Variants in PRKCE observed in about 807,000 individuals in gnomAD.
PRKCE encodes protein kinase C epsilon type.
A neutral mutation model predicts 85.4 loss-of-function variants in PRKCE; 16 were observed. That is an observed-to-expected ratio of 0.19 (90% CI 0.13 to 0.28). The LOEUF is 0.28. Among genes scored for constraint, PRKCE ranks in the 10% least tolerant of loss-of-function variants. The pLI is 1.00. For missense variants in PRKCE, 573 were observed against 975.2 expected (o/e 0.59, Z 5.49); for synonymous variants, 388 against 371.5 (o/e 1.04, Z -0.51).
intron 2 of PRKCE, among the ~76,000 whole-genome samples, chr2:45,925,264 T>C (rs1698525499): frequency 6.6e-6 from 1 of 151,962 alleles, no homozygotes; most frequent in African/African-American, 2.4e-5. Flanking sequence ...TGATAACTCA[T>C]TTCCCCTTTT....
chr2:45,804,463 G>C (rs1175507495), intron 1 of PRKCE, among the ~76,000 whole-genome samples: 1 of 152,170 alleles, frequency 6.6e-6, no homozygotes, highest in Admixed American at 6.5e-5. Context: ...TCCTGGCCTG[G>C]TTGAGCAAGG....
chr2:46,024,270 T>C (rs1038849156), intron 10 of PRKCE, among the ~76,000 whole-genome samples: 2 of 151,830 alleles, frequency 1.3e-5, no homozygotes, highest in African/African-American at 4.8e-5. Flanking sequence ...AAGCAACTGA[T>C]GGAAAAACAG....
At chr2:45,815,414 C>G (rs1008772766) in intron 1 of PRKCE, among the ~76,000 whole-genome samples, 6 of 152,182 alleles carry the variant, frequency 3.9e-5, no homozygotes, top group African/African-American at 1.4e-4. Context: ...ACTGCCCCAG[C>G]CTACGCCATT....
Position 46,186,509 on chromosome 2 carries a change from G to T in PRKCE, c.*1628G>T, listed in dbSNP as rs1574703461. The T allele has an allele frequency of 6.6e-6, 1 of 152,406 alleles. No individual in the cohort carries two copies. Among genetic ancestry groups the T allele is most frequent in the Admixed American group, 6.6e-5 (1 of 15,260 alleles). 9.4% of individuals were successfully genotyped at this position (152,406 alleles called of 1,614,324 possible). On this transcript the variant is annotated 3_prime_UTR_variant, in exon 15 of 15. Transcript: ENST00000306156. ...AAAGAATAATTATAATAATGTCCAG[G>T]TGCAATACTCTGTAAGTCTATTGGT... is the stretch of plus-strand genomic sequence containing the variant.
intron 12 of PRKCE, among the ~76,000 whole-genome samples, chr2:46,150,542 G>C (rs1240335779): frequency 6.6e-6 from 1 of 152,194 alleles, no homozygotes; most frequent in African/African-American, 2.4e-5. Context: ...CTCTCCAGGA[G>C]CACAGGGCTC....
intron 2 of PRKCE, among the ~76,000 whole-genome samples, chr2:45,909,749 G>C (rs958404152): frequency 6.6e-6 from 1 of 152,202 alleles, no homozygotes. Context: ...CAGTGAGTCA[G>C]TGCTTCCTGG....
chr2:45,765,865 C>A (rs1292562704), intron 1 of PRKCE, among the ~76,000 whole-genome samples: 2 of 152,174 alleles, frequency 1.3e-5, no homozygotes, highest in Non-Finnish European at 2.9e-5. Context: ...CTGCCACCCT[C>A]CCTCCTCCCA....
intron 1 of PRKCE, among the ~76,000 whole-genome samples, chr2:45,818,944 T>C (rs879272592): frequency 5.3e-5 from 8 of 151,970 alleles, no homozygotes; most frequent in Non-Finnish European, 1.2e-4. Flanking sequence ...AATGCTCAGA[T>C]GGAGATGTGA....
At chr2:46,137,643 A>C (rs1675128242) in intron 11 of PRKCE, among the ~76,000 whole-genome samples, 1 of 151,662 alleles carries the variant, frequency 6.6e-6, no homozygotes, top group African/African-American at 2.4e-5. Context: ...CATGCCTGTA[A>C]TCCCAGCAAC....
intron 11 of PRKCE, among the ~76,000 whole-genome samples, chr2:46,112,496 TTTTTTTG>T (rs904953055): frequency 7.3e-5 from 5 of 68,220 alleles, no homozygotes; most frequent in African/African-American, 1.3e-4. Flanking sequence ...TTTTTGGTTT[TTTTTTTG>T]TTTGTTTGTT....
At chr2:45,776,579 G>T (rs1685765049) in intron 1 of PRKCE, among the ~76,000 whole-genome samples, 1 of 152,186 alleles carries the variant, frequency 6.6e-6, no homozygotes, top group African/African-American at 2.4e-5. Context: ...CCAGTAGGTG[G>T]TCTGCTCGCA....
intron 2 of PRKCE, among the ~76,000 whole-genome samples, chr2:45,928,344 T>G (rs1284168603): frequency 1.3e-5 from 2 of 152,248 alleles, no homozygotes; most frequent in East Asian, 3.8e-4. Context: ...CTCAACTCAC[T>G]GCAACCTCCG....
At position 46,159,781 on chromosome 2, in the gene PRKCE, C is replaced by T. The variant is rs1302425825; in HGVS notation, c.2067+29C>T. The T allele has an allele frequency of 1.3e-6, 2 of 1,597,430 alleles. No individual in the cohort carries two copies. Among genetic ancestry groups the T allele is most frequent in the African/African-American group, 1.3e-5 (1 of 74,854 alleles). On this transcript the variant is annotated intron_variant, in intron 14 of 14. Coordinates refer to ENST00000306156, the MANE Select transcript of PRKCE (RefSeq NM_005400.3). This position sits in a 1 kb window ranked among gnomAD's most constrained non-coding sequence, Gnocchi z 4.1. Reference sequence around the variant, plus strand: ...AGTTGGTCCCCGTGCACGTTCAGCACCATGGGTCGGGCCCAGGTACTTGCA... The same window carrying T: ...AGTTGGTCCCCGTGCACGTTCAGCATCATGGGTCGGGCCCAGGTACTTGCA...
chr2:45,873,197 A>C (rs775357463), intron 2 of PRKCE, among the ~76,000 whole-genome samples: 8 of 152,204 alleles, frequency 5.3e-5, no homozygotes, highest in Non-Finnish European at 1.0e-4. Context: ...TCCTGGAGTG[A>C]AGCTTAAGAC....
intron 1 of PRKCE, among the ~76,000 whole-genome samples, chr2:45,791,066 G>C (rs142556528): frequency 3.3e-5 from 5 of 152,342 alleles, no homozygotes; most frequent in Non-Finnish European, 7.4e-5. Flanking sequence ...GCAGTCTACA[G>C]CCAGCTCACT....
chr2:45,651,891 T>C lies in PRKCE; in HGVS notation c.-210T>C. 1 of 488,116 alleles carries C rather than the reference T, an allele frequency of 2.0e-6. No homozygotes were observed. Among genetic ancestry groups the C allele is most frequent in the Non-Finnish European group, 3.6e-6 (1 of 277,020 alleles). The allele number at this position is 488,116 out of a possible 1,614,324, so 30.2% of individuals were successfully genotyped here. ...ACATCCCCCAGCTCTCCCCCCTCCCTGTTTTCCGTTAGGAACCCGGCGAGG... is the reference window on the plus strand; with the variant it reads ...ACATCCCCCAGCTCTCCCCCCTCCCCGTTTTCCGTTAGGAACCCGGCGAGG... On this transcript the variant is annotated 5_prime_UTR_variant, in exon 1 of 15. Transcript: ENST00000306156.
chr2:45,906,658 G>A lies in PRKCE; in HGVS notation c.412+63595G>A, dbSNP rs76256781. Among the ~76,000 whole-genome samples the A allele has an allele frequency of 9.2e-3, 1,397 of 152,274 alleles. 25 individuals carry two copies. Among genetic ancestry groups the A allele is most frequent in the African/African-American group, 0.031 (1,281 of 41,544 alleles). On this transcript the variant is annotated intron_variant, in intron 2 of 14. Transcript: ENST00000306156. ...GGTTGGGGGAAGCTATCTCTGCCTT[G>A]ACAGGGTGATGCTCCCCTCTACTCA...
intron 1 of PRKCE, among the ~76,000 whole-genome samples, chr2:45,698,223 A>G (rs996093596): frequency 6.6e-6 from 1 of 152,250 alleles, no homozygotes; most frequent in Non-Finnish European, 1.5e-5. Flanking sequence ...GATCTACTTT[A>G]TAGATTTATA....
chr2:46,010,611 A>G, intron 10 of PRKCE, 94 bp downstream of exon 10: 1 of 1,599,218 alleles, frequency 6.3e-7, no homozygotes, highest in South Asian at 1.1e-5. Context: ...GTTCTCTCAA[A>G]GACTTTGTAA....
Sources: allele counts gnomAD v4.1 joint callset (sites outside exome capture counted in the v4.1 genomes callset), GRCh38; gene constraint gnomAD v4.1.1; non-coding constraint Gnocchi (gnomAD v3.1); transcripts MANE v1.5; gene names NCBI Gene and HGNC (gene_info 2026-07-23, HGNC 2026-07-21).